The following FAM234A variants were observed in gnomAD, a reference collection of about 807,000 sequenced individuals.
The protein encoded by FAM234A is protein FAM234A.
FAM234A carries 42 observed loss-of-function variants against 49.1 expected under a neutral mutation model. The ratio of observed to expected loss-of-function variants is 0.86; its 90% confidence interval spans 0.67 to 1.11. The LOEUF (loss-of-function observed/expected upper bound fraction) is 1.11. Among genes scored for constraint, FAM234A ranks in the 50% least tolerant of loss-of-function variants. FAM234A has a pLI of 0.00. For missense variants in FAM234A, 815 were observed against 745.2 expected (o/e 1.09, Z -1.09); for synonymous variants, 369 against 316.2 (o/e 1.17, Z -1.77).
intron 1 of FAM234A, among the ~76,000 whole-genome samples, chr16:249,152 T>C (rs2050912436): frequency 6.6e-6 from 1 of 152,078 alleles, no homozygotes; most frequent in Admixed American, 6.5e-5. Context: ...GGCGGCATCT[T>C]CAGAGGAAGA....
chr16:257,471 C>T (rs1368069406), intron 3 of FAM234A, among the ~76,000 whole-genome samples: 2 of 151,954 alleles, frequency 1.3e-5, no homozygotes, highest in Non-Finnish European at 2.9e-5. Context: ...GTCTCAAACT[C>T]TTGACCTCAG....
chr16:235,308 GA>G (rs1448167561), intron 1 of FAM234A, among the ~76,000 whole-genome samples: 1 of 152,144 alleles, frequency 6.6e-6, no homozygotes, highest in Non-Finnish European at 1.5e-5. Context: ...ACGGGGGTCG[GA>G]GAGGCGTGTC....
Position 263,318 on chromosome 16 carries a change from T to G in FAM234A, c.1028T>G (p.Leu343Arg). Residue 343 changes from leucine (L) to arginine (R), a missense_variant, in exon 9 of 13, where the codon CTT becomes CGT. Leu to Arg is a moderately radical substitution (Grantham distance 102, BLOSUM62 -2). Transcript: ENST00000399932. ...HVPGNAGADVLLVGSEAFVLL... is the reference protein window; with the variant it reads ...HVPGNAGADVRLVGSEAFVLL... The stretch of plus-strand genomic sequence containing the variant: ...CCAGGGAACGCCGGTGCAGATGTGC[T>G]TCTTGTGGGCTCAGAGGCCTTCGTG... 6.2e-7 allele frequency: 1 copy of G among 1,613,288 alleles called. No homozygotes were observed. Among genetic ancestry groups the G allele is most frequent in the South Asian group, 1.1e-5 (1 of 91,090 alleles).
chr16:238,654 C>T (rs540226645), intron 1 of FAM234A, among the ~76,000 whole-genome samples: 35 of 150,026 alleles, frequency 2.3e-4, no homozygotes, highest in Non-Finnish European at 4.4e-4. Context: ...TAGTCCCAGC[C>T]ACTCCGGAGG....
chr16:264,926 A>G lies in FAM234A; in HGVS notation c.1563A>G (p.Pro521=). 1 of 1,613,048 alleles carries G rather than the reference A, an allele frequency of 6.2e-7. No individual in the cohort carries two copies. The change falls in exon 13 of 13, where the codon CCA becomes CCG. Residue 521 remains proline, a synonymous_variant. Transcript: ENST00000399932. ...AGCACAAGGTGCGGGACCTTGTCCC[A>G]AGCAGCAGGGTGGTCCGCCTGGGTG... The part of the protein sequence containing the change: ...VIKHKVRDLV[P]SSRVVRLGEG...
At chr16:237,226 CCTTG>C (rs1454922906) in intron 1 of FAM234A, among the ~76,000 whole-genome samples, 6 of 152,014 alleles carry the variant, frequency 3.9e-5, no homozygotes, top group African/African-American at 1.5e-4. Context: ...TTTTCAGGCT[CCTTG>C]CTTCCATTCT....
At position 260,147 on chromosome 16, in the gene FAM234A, C is replaced by T. The variant is rs1321310988; in HGVS notation, c.564C>T (p.Val188=). 1.2e-6 allele frequency: 2 copies of T among 1,613,554 alleles called. No homozygotes were observed. Among genetic ancestry groups the T allele is most frequent in the African/African-American group, 2.7e-5 (2 of 74,946 alleles). ...LVGRPSSFIA[V]NLFTGETLWN... ...GCAGACCCAGTTCTTTCATTGCAGT[C>T]AACTTGTTCACAGGTAGGCCAGCCA... The change falls in exon 5 of 13, where the codon GTC becomes GTT. Residue 188 remains valine, a synonymous_variant. Transcript: ENST00000399932.
At chr16:246,580 C>T (rs1450479245) in intron 1 of FAM234A, among the ~76,000 whole-genome samples, 6 of 150,470 alleles carry the variant, frequency 4.0e-5, no homozygotes, top group East Asian at 2.0e-4. Context: ...CCACCACACC[C>T]GGCTAATTTT....
intron 1 of FAM234A, among the ~76,000 whole-genome samples, chr16:235,998 A>C (rs573254067): frequency 1.8e-3 from 271 of 151,594 alleles, no homozygotes; most frequent in African/African-American, 6.3e-3. Flanking sequence ...ACTAAAAATA[A>C]AAAAATTAGC....
At position 254,696 on chromosome 16, in the gene FAM234A, C is replaced by T. The variant is rs780920409; in HGVS notation, c.268+15C>T. On this transcript the variant is annotated intron_variant, in intron 3 of 12. Coordinates refer to ENST00000399932, the MANE Select transcript of FAM234A (RefSeq NM_032039.4). ...CAGTGCCGCTGGTGAGCCTCGGCTT[C>T]CCCGCCCAGTGGGGTCCAAAGCAGC... 1.2e-6 allele frequency: 2 copies of T among 1,611,996 alleles called. No homozygotes were observed. Among genetic ancestry groups the T allele is most frequent in the Admixed American group, 3.3e-5 (2 of 59,882 alleles).
chr16:261,983 GCC>G, intron 6 of FAM234A, 108 bp from the exon 7 acceptor site: 1 of 893,350 alleles, frequency 1.1e-6, no homozygotes, highest in Admixed American at 4.2e-5. Context: ...CTCTTCCTGG[GCC>G]TTGTGTCATT....
intron 2 of FAM234A, among the ~76,000 whole-genome samples, chr16:250,650 C>T (rs2050967167): frequency 6.6e-6 from 1 of 152,076 alleles, no homozygotes; most frequent in Non-Finnish European, 1.5e-5. Flanking sequence ...ATGATCACAG[C>T]ATTTTGTAAC....
chr16:261,650 C>T (rs191053733), intron 6 of FAM234A, 136 bp downstream of exon 6: 62 of 1,060,076 alleles, frequency 5.8e-5, no homozygotes, highest in East Asian at 4.5e-4. Context: ...CAGAGCCCCA[C>T]GTTCCCAACT....
chr16:261,639 C>A, intron 6 of FAM234A, 125 bp downstream of exon 6: 1 of 1,183,846 alleles, frequency 8.4e-7, no homozygotes, highest in Non-Finnish European at 1.2e-6. Context: ...GGGGACTCGC[C>A]CAGAGCCCCA....
At chr16:267,887 G>GCACA (rs1349995710), downstream of FAM234A, among the ~76,000 whole-genome samples, 2 of 74,460 alleles carry the variant, frequency 2.7e-5, no homozygotes, top group East Asian at 6.7e-4. Context: ...CACGACACAT[G>GCACA]CACATACCAC....
chr16:244,062 A>G (rs1018583513), intron 1 of FAM234A, among the ~76,000 whole-genome samples: 26 of 150,820 alleles, frequency 1.7e-4, no homozygotes, highest in South Asian at 2.1e-4. Flanking sequence ...TCCGCCTCCC[A>G]GGTTCACACC....
chr16:242,095 C>T (rs1244442036), intron 1 of FAM234A, among the ~76,000 whole-genome samples: 1 of 152,150 alleles, frequency 6.6e-6, no homozygotes, highest in East Asian at 1.9e-4. Context: ...CAAACTACTG[C>T]TGGATTGTTT....
intron 1 of FAM234A, among the ~76,000 whole-genome samples, chr16:245,244 G>T (rs1365765222): frequency 6.6e-6 from 1 of 152,074 alleles, no homozygotes; most frequent in Non-Finnish European, 1.5e-5. Flanking sequence ...CTACTTTATA[G>T]GCTGAGGTGG....
At position 265,693 on chromosome 16, in the gene FAM234A, G is replaced by A; in HGVS notation, c.*671G>A. On this transcript the variant is annotated 3_prime_UTR_variant, in exon 13 of 13. Transcript: ENST00000399932. The stretch of plus-strand genomic sequence containing the variant: ...AGCAGGATGGGTGGGGCCTGCTCTG[G>A]AGCTGAGCCCGTGGCCGCTCACAGG... 2 of 985,458 alleles carry A rather than the reference G, an allele frequency of 2.0e-6. No homozygotes were observed. Among genetic ancestry groups the A allele is most frequent in the Non-Finnish European group, 2.4e-6 (2 of 829,946 alleles). 61.0% of individuals were successfully genotyped at this position (985,458 alleles called of 1,614,324 possible). A position where few individuals can be genotyped will look rare whatever the true frequency, so the allele number is the denominator to read the frequency against.
Sources: gnomAD v4.1 joint callset for allele counts (sites outside exome capture counted in the v4.1 genomes callset) on GRCh38, gnomAD v4.1.1 for gene constraint, MANE v1.5 for transcripts, NCBI Gene and HGNC (gene_info 2026-07-23, HGNC 2026-07-21) for gene names.